PCNX2: variants seen among roughly 807,000 people sequenced by gnomAD.
PCNX2 encodes the protein pecanex-like protein 2.
A neutral mutation model predicts 223.8 loss-of-function variants in PCNX2; 168 were observed. The ratio of observed to expected loss-of-function variants is 0.75; its 90% CI spans 0.66 to 0.85. The LOEUF (loss-of-function observed/expected upper bound fraction) is 0.85, where lower values mean the gene tolerates loss of function less well. Ranked by LOEUF, PCNX2 falls within the 40% of genes least tolerant of loss-of-function variation. PCNX2 has a pLI of 0.00. For missense variants in PCNX2, 2,507 were observed against 2,675.5 expected (o/e 0.94, Z 1.39); for synonymous variants, 1,006 against 1,052.6 (o/e 0.96, Z 0.86).
At chr1:233,100,638 T>C (rs941097811) in intron 21 of PCNX2, among the ~76,000 whole-genome samples, 4 of 152,166 alleles carry the variant, frequency 2.6e-5, no homozygotes, top group Admixed American at 2.0e-4. Context: ...TTTTCTTTGC[T>C]AATACACTTG....
rs1394786317 is a variant in PCNX2 at position 232,986,304 on chromosome 1, G to A, written c.6028C>T (p.Arg2010Cys). 1.0e-5 allele frequency: 16 copies of A among 1,577,640 alleles called. No homozygotes were observed. The highest frequency in any genetic ancestry group is 6.7e-5 in the African/African-American group (5 of 74,198). ...CTGATGAGCGCCTCGGCCCGCTCAC[G>A]GACACTCAGGTGGCCGGTGGTGGTG... ...PVTTTGHLSV[R>C]ERAEALIRSS... The change falls in exon 33 of 34, where the codon CGT becomes TGT. Residue 2010 changes from arginine (R) to cysteine (C), a missense_variant. By Grantham distance (180) the Arg-to-Cys change is radical. Coordinates refer to ENST00000258229, the MANE Select transcript of PCNX2 (RefSeq NM_014801.4).
Position 233,259,106 on chromosome 1 carries a change from G to C in PCNX2, c.756C>G (p.Pro252=), listed in dbSNP as rs759798864. The change falls in exon 5 of 34, where the codon CCC becomes CCG. Residue 252 remains proline, a synonymous_variant. Transcript: ENST00000258229. ...RSEGGLVDKG[P]LKKLPHLSLS... ...AAGACAGGTGGGGCAACTTCTTCAA[G>C]GGTCCCTTATCCACTAAGCCACCCT... 5 of 1,613,842 alleles carry C rather than the reference G, an allele frequency of 3.1e-6. No individual in the cohort carries two copies. In the East Asian group the frequency reaches 8.9e-5, roughly 29 times the overall value.
intron 31 of PCNX2, 119 bp downstream of exon 31, chr1:232,998,986 T>C (rs1669971987): frequency 4.2e-6 from 5 of 1,196,530 alleles, no homozygotes; most frequent in Non-Finnish European, 5.8e-6. Flanking sequence ...GGGTAGCAGT[T>C]TTAATCATAT....
At chr1:233,296,392 G>T (rs75071413), upstream of PCNX2, among the ~76,000 whole-genome samples, 107 of 152,208 alleles carry the variant, frequency 7.0e-4, no homozygotes, top group African/African-American at 2.5e-3. Context: ...GTTAGCCTTA[G>T]TTTTTTATCT....
chr1:233,061,893 G>GGATC (rs1301872616), intron 23 of PCNX2, among the ~76,000 whole-genome samples: 2 of 151,996 alleles, frequency 1.3e-5, no homozygotes, highest in Non-Finnish European at 2.9e-5. Flanking sequence ...CGAGTAGCTG[G>GGATC]GATCACAGGC....
chr1:233,291,812 A>G (rs1435699999), intron 1 of PCNX2: 2 of 984,556 alleles, frequency 2.0e-6, no homozygotes, highest in Non-Finnish European at 2.4e-6. Flanking sequence ...ATCTCTCAAG[A>G]CTAACCATCT....
chr1:233,136,115 T>C (rs1676787520), intron 20 of PCNX2, among the ~76,000 whole-genome samples: 1 of 152,244 alleles, frequency 6.6e-6, no homozygotes, highest in Non-Finnish European at 1.5e-5. Context: ...AAGTGCCTTC[T>C]TGAAGGGCCT....
chr1:233,115,343 C>G (rs1675348390), intron 21 of PCNX2, among the ~76,000 whole-genome samples: 1 of 152,050 alleles, frequency 6.6e-6, no homozygotes. Flanking sequence ...ACACTAGATC[C>G]CAGATAATAG....
At chr1:233,283,573 A>C (rs1037278635) in intron 1 of PCNX2, among the ~76,000 whole-genome samples, 4 of 152,212 alleles carry the variant, frequency 2.6e-5, no homozygotes, top group African/African-American at 9.6e-5. Context: ...CTCACTTGCC[A>C]AATTTTTGAT....
In PCNX2 at chr1:233,218,209, CAAAAA is replaced by C. The variant is rs34818026; in HGVS notation, c.2505-30_2505-26del. 481 of 275,550 alleles carry C rather than the reference CAAAAA, an allele frequency of 1.7e-3. 6 individuals are homozygous for C. The African/African-American group carries it at 0.019, about 11-fold the overall frequency. The allele number at this position is 275,550 out of a possible 1,614,324, so 17.1% of individuals were successfully genotyped here. A position where few individuals can be genotyped will look rare whatever the true frequency, so the allele number is the denominator to read the frequency against. On this transcript the variant is annotated intron_variant, in intron 10 of 33. Coordinates refer to ENST00000258229, the MANE Select transcript of PCNX2 (RefSeq NM_014801.4). Reference sequence around the variant, plus strand: ...TCTGTGCAAAATATATACATAAAAGCAAAAAAAAAAAAAAAAAAAAAAAGTGTAAG... The same window carrying C: ...TCTGTGCAAAATATATACATAAAAGCAAAAAAAAAAAAAAAAAAGTGTAAG...
At chr1:233,070,649 A>G (rs1292493012) in intron 23 of PCNX2, among the ~76,000 whole-genome samples, 1 of 151,788 alleles carries the variant, frequency 6.6e-6, no homozygotes, top group Non-Finnish European at 1.5e-5. Flanking sequence ...AAAGCAAATG[A>G]CAAGACCCAA....
At chr1:233,268,696 C>G (rs1220624622) in intron 1 of PCNX2, among the ~76,000 whole-genome samples, 1 of 152,176 alleles carries the variant, frequency 6.6e-6, no homozygotes, top group East Asian at 1.9e-4. Flanking sequence ...GTGTGGCCTT[C>G]CTGGGCAGTC....
In PCNX2 at chr1:232,991,437, G is replaced by T. The variant is rs1669694313; in HGVS notation, c.5792-4897C>A. 6.6e-6 allele frequency among the ~76,000 whole-genome samples: 1 copy of T among 152,116 alleles called. No homozygotes were observed. On this transcript the variant is annotated intron_variant, in intron 32 of 33. Coordinates refer to ENST00000258229, the MANE Select transcript of PCNX2 (RefSeq NM_014801.4). The surrounding 1 kb of genome is among the most constrained non-coding windows in gnomAD (Gnocchi z 4.3). ...AGACCAGATGGGGGCCTGCGGGGGA[G>T]GGGTGCTCATGGGATGCGCGTGGGT...
intron 17 of PCNX2, among the ~76,000 whole-genome samples, chr1:233,162,225 A>G (rs1372090325): frequency 4.6e-5 from 7 of 152,144 alleles, no homozygotes; most frequent in Non-Finnish European, 1.0e-4. Context: ...TGCTGGCTGA[A>G]CAATCTAAAG....
At chr1:233,294,727 C>T (rs1301715938) in intron 1 of PCNX2, among the ~76,000 whole-genome samples, 1 of 152,192 alleles carries the variant, frequency 6.6e-6, no homozygotes, top group African/African-American at 2.4e-5. Flanking sequence ...ACTAAAATGT[C>T]AAGCCCCATC....
intron 23 of PCNX2, among the ~76,000 whole-genome samples, chr1:233,070,637 A>T (rs1672812121): frequency 6.6e-6 from 1 of 152,044 alleles, no homozygotes; most frequent in Non-Finnish European, 1.5e-5. Context: ...ATAAACACAG[A>T]AAAAGCAAAT....
At chr1:233,254,465 T>C (rs1659617528) in intron 5 of PCNX2, among the ~76,000 whole-genome samples, 6 of 152,252 alleles carry the variant, frequency 3.9e-5, no homozygotes, top group Admixed American at 3.9e-4. Flanking sequence ...AGACTCCTTT[T>C]CTCTTAAATG....
intron 19 of PCNX2, among the ~76,000 whole-genome samples, chr1:233,148,670 G>C (rs1483718997): frequency 6.6e-6 from 1 of 152,094 alleles, no homozygotes; most frequent in East Asian, 1.9e-4. Flanking sequence ...CCAAAATGCT[G>C]GGATTACAGG....
At chr1:233,251,064 ATATACT>A (rs139915138) in intron 7 of PCNX2, among the ~76,000 whole-genome samples, 3,150 of 152,294 alleles carry the variant, frequency 0.021, 91 homozygotes, top group African/African-American at 0.07. Context: ...TTCCCTGCTA[ATATACT>A]TAGACAAGTT....
Sources: allele counts gnomAD v4.1 joint callset (sites outside exome capture counted in the v4.1 genomes callset), GRCh38; gene constraint gnomAD v4.1.1; non-coding constraint Gnocchi (gnomAD v3.1); transcripts MANE v1.5; gene names NCBI Gene and HGNC (gene_info 2026-07-23, HGNC 2026-07-21).